The following MGAT4D variants were observed in gnomAD, a reference collection of about 807,000 sequenced individuals.
The protein encoded by MGAT4D is alpha-1,3-mannosyl-glycoprotein 4-beta-N-acetylglucosaminyltransferase-like protein MGAT4D.
MGAT4D carries 34 observed loss-of-function variants against 15.9 expected under a neutral mutation model. The observed-to-expected ratio is 2.14, with a 90% CI of 1.62 to 2.84. The LOEUF (loss-of-function observed/expected upper bound fraction) is 2.84. Among genes scored for constraint, MGAT4D ranks in the 30% most tolerant of loss-of-function variants. The pLI, the probability that MGAT4D is intolerant of heterozygous loss-of-function variation, is 0.00. For missense variants in MGAT4D, 327 were observed against 140.2 expected (o/e 2.33, Z -6.73); for synonymous variants, 112 against 48.2 (o/e 2.33, Z -5.49).
chr4:140,497,560 C>T (rs1053898895), intron 1 of MGAT4D, among the ~76,000 whole-genome samples: 4 of 152,148 alleles, frequency 2.6e-5, no homozygotes, highest in Non-Finnish European at 5.9e-5. Flanking sequence ...GGAACACAGG[C>T]CTGCGGTCCA....
At chr4:140,449,405 G>A (rs1013989317) in intron 10 of MGAT4D, among the ~76,000 whole-genome samples, 2 of 152,132 alleles carry the variant, frequency 1.3e-5, no homozygotes, top group African/African-American at 4.8e-5. Flanking sequence ...TAGATGAATA[G>A]AGATAAATAA....
intron 1 of MGAT4D, among the ~76,000 whole-genome samples, chr4:140,495,631 G>A (rs889004014): frequency 1.3e-5 from 2 of 152,144 alleles, no homozygotes; most frequent in African/African-American, 2.4e-5. Flanking sequence ...CACAGAGCTT[G>A]CATATTTGTT....
At chr4:140,461,280 GA>G (rs1485406327) in intron 7 of MGAT4D, among the ~76,000 whole-genome samples, 4 of 152,036 alleles carry the variant, frequency 2.6e-5, no homozygotes, top group Non-Finnish European at 5.9e-5. Context: ...CAATGAAAGA[GA>G]AGACCTTGCT....
intron 3 of MGAT4D, among the ~76,000 whole-genome samples, chr4:140,478,955 G>T (rs1732518716): frequency 6.6e-6 from 1 of 152,136 alleles, no homozygotes; most frequent in African/African-American, 2.4e-5. Flanking sequence ...GCCTGGCCTA[G>T]AGTGACTCAC....
intron 5 of MGAT4D, among the ~76,000 whole-genome samples, chr4:140,468,920 T>G (rs1374634806): frequency 6.6e-6 from 1 of 152,100 alleles, no homozygotes; most frequent in Non-Finnish European, 1.5e-5. Flanking sequence ...ATTTTTCTAC[T>G]CTTTCACCTG....
chr4:140,460,355 G>A (rs1235811063), intron 7 of MGAT4D, among the ~76,000 whole-genome samples: 1 of 152,150 alleles, frequency 6.6e-6, no homozygotes, highest in East Asian at 1.9e-4. Context: ...TCTGCTGAAG[G>A]CCTATTCCTC....
chr4:140,464,815 T>C, intron 6 of MGAT4D, 81 bp downstream of exon 6: 2 of 675,020 alleles, frequency 3.0e-6, no homozygotes, highest in Non-Finnish European at 5.4e-6. Flanking sequence ...GTGTCTGAAA[T>C]AGTTTCTAAT....
chr4:140,459,432 C>A, intron 8 of MGAT4D, 80 bp downstream of exon 8: 1 of 362,094 alleles, frequency 2.8e-6, no homozygotes, highest in Non-Finnish European at 5.0e-6. Flanking sequence ...TAGTAATAAA[C>A]AAACTGATAA....
At chr4:140,453,475 A>G in intron 9 of MGAT4D, among the ~76,000 whole-genome samples, 1 of 152,086 alleles carries the variant, frequency 6.6e-6, no homozygotes, top group East Asian at 1.9e-4. Flanking sequence ...GTATACACAT[A>G]TAGATATATA....
chr4:140,482,663 C>T (rs919322817), intron 1 of MGAT4D, among the ~76,000 whole-genome samples, 178 bp from the exon 2 acceptor site: 12 of 151,588 alleles, frequency 7.9e-5, no homozygotes, highest in Admixed American at 5.9e-4. Flanking sequence ...TGTGTAAATA[C>T]GTGCATAGGT....
At chr4:140,490,191 T>G (rs1463582083) in intron 1 of MGAT4D, among the ~76,000 whole-genome samples, 1 of 152,242 alleles carries the variant, frequency 6.6e-6, no homozygotes, top group Non-Finnish European at 1.5e-5. Context: ...ACATTTATGT[T>G]GCACTTTGTT....
At chr4:140,473,444 T>C (rs1265506937) in intron 4 of MGAT4D, among the ~76,000 whole-genome samples, 1 of 152,190 alleles carries the variant, frequency 6.6e-6, no homozygotes, top group African/African-American at 2.4e-5. Flanking sequence ...GCACTTACTA[T>C]GTGCCACACA....
intron 3 of MGAT4D, among the ~76,000 whole-genome samples, chr4:140,477,715 A>G (rs1039391171): frequency 2.6e-5 from 4 of 152,258 alleles, no homozygotes; most frequent in African/African-American, 9.6e-5. Flanking sequence ...CCAAGGGGCT[A>G]ACTTCACCTC....
chr4:140,451,035 C>T (rs1353281548), intron 10 of MGAT4D, among the ~76,000 whole-genome samples: 4 of 152,136 alleles, frequency 2.6e-5, no homozygotes, highest in Admixed American at 6.5e-5. Flanking sequence ...AATTCTGATA[C>T]ATTTAAATTA....
At chr4:140,460,000 G>A (rs1447910723) in intron 7 of MGAT4D, among the ~76,000 whole-genome samples, 2 of 151,720 alleles carry the variant, frequency 1.3e-5, no homozygotes, top group East Asian at 3.9e-4. Flanking sequence ...CCCAACTCCT[G>A]GGCTCAAGTG....
At chr4:140,496,619 G>T (rs936677814) in intron 1 of MGAT4D, among the ~76,000 whole-genome samples, 5 of 152,058 alleles carry the variant, frequency 3.3e-5, no homozygotes, top group African/African-American at 1.2e-4. Flanking sequence ...TAGGTGGGTG[G>T]ATCACCTGAG....
intron 10 of MGAT4D, among the ~76,000 whole-genome samples, chr4:140,445,787 T>G (rs1730083893): frequency 6.6e-6 from 1 of 152,172 alleles, no homozygotes; most frequent in South Asian, 2.1e-4. Context: ...GAATAGGAAG[T>G]CTTTTCCCCC....
intron 3 of MGAT4D, among the ~76,000 whole-genome samples, chr4:140,477,148 A>T (rs969992186): frequency 6.6e-6 from 1 of 152,004 alleles, no homozygotes; most frequent in South Asian, 2.1e-4. Flanking sequence ...CTTTTCCTCT[A>T]TCTGGATGAC....
intron 3 of MGAT4D, among the ~76,000 whole-genome samples, chr4:140,476,865 T>C (rs936646591): frequency 1.3e-5 from 2 of 152,198 alleles, no homozygotes; most frequent in Non-Finnish European, 2.9e-5. Context: ...ATAGTACTCA[T>C]CACTCCTTTT....
Sources: gnomAD v4.1 joint callset for allele counts (sites outside exome capture counted in the v4.1 genomes callset) on GRCh38, gnomAD v4.1.1 for gene constraint, MANE v1.5 for transcripts, NCBI Gene and HGNC (gene_info 2026-07-23, HGNC 2026-07-21) for gene names.